SMG6: variants seen among roughly 807,000 people sequenced by gnomAD.
The protein encoded by SMG6 is telomerase-binding protein EST1A.
SMG6 carries 66 observed loss-of-function variants against 142.2 expected under a neutral mutation model. The observed-to-expected ratio is 0.46, with a 90% CI of 0.38 to 0.57. The LOEUF is 0.57. SMG6 is among the 20% of genes least tolerant of loss of function. The pLI is 0.00. For synonymous variants in SMG6, 779 were observed against 702.4 expected (o/e 1.11, Z -1.72); for missense variants, 1,793 against 1,832.0 (o/e 0.98, Z 0.39).
chr17:2,065,234 G>C lies in SMG6; in HGVS notation c.4048-80C>G, dbSNP rs569872958. Reference sequence around the variant, plus strand: ...AGGAGGAGGAGGGATCCTCTGCCTCGGGGGCCCTGGGCAGGGCCACCTCCC... The same window carrying C: ...AGGAGGAGGAGGGATCCTCTGCCTCCGGGGCCCTGGGCAGGGCCACCTCCC... On this transcript the variant is annotated intron_variant, in intron 17 of 18. Coordinates refer to ENST00000263073, the MANE Select transcript of SMG6 (RefSeq NM_017575.5). The C allele has an allele frequency of 7.4e-4, 946 of 1,271,408 alleles. 2 individuals carry two copies. The highest frequency in any genetic ancestry group is 9.2e-4 in the Non-Finnish European group (811 of 883,652). The allele number at this position is 1,271,408 out of a possible 1,614,324, so 78.8% of individuals were successfully genotyped here.
chr17:2,135,996 ATGTGTGTGTGTGTGTGTGTGTG>A (rs545225787), intron 13 of SMG6, among the ~76,000 whole-genome samples: 34 of 141,212 alleles, frequency 2.4e-4, no homozygotes, highest in African/African-American at 8.5e-4. Context: ...ATATATATTT[ATGTGTGTGTGTGTGTGTGTGTG>A]TGTGTGTGTG....
chr17:2,297,164 G>T, intron 4 of SMG6, 79 bp downstream of exon 4: 3 of 957,974 alleles, frequency 3.1e-6, no homozygotes, highest in Non-Finnish European at 4.8e-6. Context: ...ACCCAGTACA[G>T]TGTCTAGCAC....
In SMG6 at chr17:2,108,584, T is replaced by C. The variant is rs143989267; in HGVS notation, c.3358-22683A>G. 4.6e-3 allele frequency among the ~76,000 whole-genome samples: 701 copies of C among 152,184 alleles called. 8 individuals are homozygous for C. Among genetic ancestry groups the C allele is most frequent in the African/African-American group, 0.016 (662 of 41,528 alleles). ...AGGCAGAGGTTGTAGTGAGCCGAGATTGTGTCACTGCACTCCAGCCTGGGC... is the reference window on the plus strand; with the variant it reads ...AGGCAGAGGTTGTAGTGAGCCGAGACTGTGTCACTGCACTCCAGCCTGGGC... On this transcript the variant is annotated intron_variant, in intron 13 of 18. Coordinates refer to ENST00000263073, the MANE Select transcript of SMG6 (RefSeq NM_017575.5).
intron 9 of SMG6, among the ~76,000 whole-genome samples, chr17:2,242,959 G>C (rs1401570260): frequency 1.3e-5 from 2 of 152,040 alleles, no homozygotes; most frequent in Non-Finnish European, 2.9e-5. Context: ...TCATTCATTT[G>C]TACAACAAAT....
chr17:2,062,884 G>T, intron 18 of SMG6: 1 of 152,608 alleles, frequency 6.6e-6, no homozygotes. Context: ...GGTTTGTGGG[G>T]TTGGTGGTGG....
At chr17:2,293,225 G>T (rs762069167) in intron 4 of SMG6, among the ~76,000 whole-genome samples, 5 of 151,952 alleles carry the variant, frequency 3.3e-5, no homozygotes, top group Admixed American at 1.3e-4. Flanking sequence ...AAAGAGAGAG[G>T]GTGATTCTTG....
At chr17:2,210,668 C>A (rs1388943656) in intron 10 of SMG6, among the ~76,000 whole-genome samples, 1 of 150,062 alleles carries the variant, frequency 6.7e-6, no homozygotes, top group African/African-American at 2.5e-5. Context: ...AGAGGAAACC[C>A]AAGAAACAGG....
At chr17:2,286,420 T>C (rs1175707629) in intron 6 of SMG6, among the ~76,000 whole-genome samples, 2 of 149,700 alleles carry the variant, frequency 1.3e-5, no homozygotes, top group Admixed American at 6.7e-5. Flanking sequence ...GACATATAAA[T>C]CAATGGAAGA....
At chr17:2,104,228 G>A (rs2069093021) in intron 13 of SMG6, among the ~76,000 whole-genome samples, 1 of 152,056 alleles carries the variant, frequency 6.6e-6, no homozygotes, top group Non-Finnish European at 1.5e-5. Flanking sequence ...TGGGATTACA[G>A]GCGTGAGCCA....
chr17:2,292,348 G>A (rs1319506245), intron 6 of SMG6, among the ~76,000 whole-genome samples: 1 of 152,194 alleles, frequency 6.6e-6, no homozygotes, highest in Non-Finnish European at 1.5e-5. Flanking sequence ...GTGGTAAGTG[G>A]AGAGATGAAG....
chr17:2,166,031 GCAAAA>G (rs2071328322), intron 13 of SMG6, among the ~76,000 whole-genome samples: 1 of 152,132 alleles, frequency 6.6e-6, no homozygotes, highest in African/African-American at 2.4e-5. Context: ...GGCCGACATA[GCAAAA>G]CCCCGTCTCT....
intron 10 of SMG6, among the ~76,000 whole-genome samples, chr17:2,220,108 AGAT>A: frequency 6.6e-6 from 1 of 152,054 alleles, no homozygotes; most frequent in East Asian, 1.9e-4. Flanking sequence ...TTTTTTGTAG[AGAT>A]GGGGTTTTGC....
At chr17:2,109,919 C>T (rs1259290843) in intron 13 of SMG6, among the ~76,000 whole-genome samples, 3 of 151,902 alleles carry the variant, frequency 2.0e-5, no homozygotes, top group African/African-American at 7.2e-5. Context: ...TCTGTTTCTA[C>T]TAAAAATACA....
intron 10 of SMG6, among the ~76,000 whole-genome samples, chr17:2,210,723 G>A (rs994240694): frequency 1.3e-5 from 2 of 149,268 alleles, no homozygotes; most frequent in African/African-American, 2.5e-5. Flanking sequence ...CAGCATTTCT[G>A]GAAATGCTGT....
intron 10 of SMG6, chr17:2,232,976 AAAG>A (rs1597664900): frequency 6.6e-6 from 1 of 152,258 alleles, no homozygotes; most frequent in African/African-American, 2.4e-5. Flanking sequence ...ACACACTTGA[AAAG>A]TAATCACAGT....
intron 13 of SMG6, among the ~76,000 whole-genome samples, chr17:2,102,261 A>G (rs1233713236): frequency 6.6e-6 from 1 of 152,244 alleles, no homozygotes; most frequent in Non-Finnish European, 1.5e-5. Context: ...TTTTATGAAT[A>G]CAATGTATAA....
chr17:2,061,396 G>T lies in SMG6; in HGVS notation c.*96C>A, dbSNP rs1303534245. The stretch of plus-strand genomic sequence containing the variant: ...GGATGGTTTATTGTCTGGGTGGATT[G>T]GTGGCTCAGGCACGTGGGCATCTTC... On this transcript the variant is annotated 3_prime_UTR_variant, in exon 19 of 19. Transcript: ENST00000263073. The T allele has an allele frequency of 3.3e-6, 4 of 1,226,196 alleles. No individual in the cohort carries two copies. Among genetic ancestry groups the T allele is most frequent in the Non-Finnish European group, 3.4e-6 (3 of 884,136 alleles). 76.0% of individuals were successfully genotyped at this position (1,226,196 alleles called of 1,614,324 possible).
At chr17:2,145,350 C>A (rs986618696) in intron 13 of SMG6, among the ~76,000 whole-genome samples, 2 of 151,380 alleles carry the variant, frequency 1.3e-5, no homozygotes, top group Non-Finnish European at 2.9e-5. Flanking sequence ...CTCCTGAGCT[C>A]AGGCAATCCA....
At chr17:2,190,154 T>G (rs992308499) in intron 10 of SMG6, among the ~76,000 whole-genome samples, 7 of 152,194 alleles carry the variant, frequency 4.6e-5, no homozygotes, top group Admixed American at 1.3e-4. Context: ...GCAGCAGCAC[T>G]GTCAGTACCG....
Sources: gnomAD v4.1 joint callset for allele counts (sites outside exome capture counted in the v4.1 genomes callset) on GRCh38, gnomAD v4.1.1 for gene constraint, MANE v1.5 for transcripts, NCBI Gene and HGNC (gene_info 2026-07-23, HGNC 2026-07-21) for gene names.